The following GRXCR1 variants were observed in gnomAD, a reference collection of about 807,000 sequenced individuals.
The protein encoded by GRXCR1 is glutaredoxin and cysteine rich domain containing 1.
Under a neutral mutation model 27.3 loss-of-function variants are expected in GRXCR1, and 27 were observed. The observed-to-expected ratio is 0.99, with a 90% confidence interval of 0.73 to 1.37. GRXCR1 has a LOEUF of 1.37. Among genes scored for constraint, GRXCR1 ranks in the 40% most tolerant of loss-of-function variants. GRXCR1 has a pLI of 0.00. For synonymous variants in GRXCR1, 122 were observed against 131.1 expected, an observed-to-expected ratio of 0.93 and a Z score of 0.47; for missense variants, 379 against 354.4, an observed-to-expected ratio of 1.07 and a Z score of -0.56.
At chr4:42,957,775 T>C (rs1315923690) in intron 1 of GRXCR1, among the ~76,000 whole-genome samples, 1 of 151,774 alleles carries the variant, frequency 6.6e-6, no homozygotes, top group Non-Finnish European at 1.5e-5. Flanking sequence ...TGCTTGATTC[T>C]TTTATTAAAT....
intron 2 of GRXCR1, among the ~76,000 whole-genome samples, chr4:42,989,017 C>A (rs1300896132): frequency 2.0e-5 from 3 of 152,198 alleles, no homozygotes; most frequent in Non-Finnish European, 2.9e-5. Flanking sequence ...CACCCACAGG[C>A]TGTTCTCTGT....
chr4:43,023,678 ATTTCTTT>A (rs1285818754), intron 3 of GRXCR1, among the ~76,000 whole-genome samples: 3 of 152,176 alleles, frequency 2.0e-5, no homozygotes, highest in Non-Finnish European at 4.4e-5. Flanking sequence ...ACAGATGTTC[ATTTCTTT>A]TTATTATTTA....
chr4:43,000,096 C>T (rs1018946148), intron 2 of GRXCR1, among the ~76,000 whole-genome samples: 1 of 152,184 alleles, frequency 6.6e-6, no homozygotes, highest in South Asian at 2.1e-4. Context: ...TAAAATCTTG[C>T]ACTATCCTGC....
chr4:42,963,074 C>G lies in GRXCR1; in HGVS notation c.567C>G (p.Cys189Trp). The G allele has an allele frequency of 6.2e-7, 1 of 1,612,610 alleles. No homozygotes were observed. Among genetic ancestry groups the G allele is most frequent in the Non-Finnish European group, 8.5e-7 (1 of 1,178,882 alleles). The change falls in exon 2 of 4, where the codon TGC (cysteine) becomes TGG (tryptophan). Residue 189 changes from cysteine to tryptophan, a missense_variant. By Grantham distance (215) the Cys-to-Trp change is radical. Coordinates refer to ENST00000399770, the MANE Select transcript of GRXCR1 (RefSeq NM_001080476.3). ...GEYGKELDER[C>W]RRVSEAPSLP... ...ATGGAAAAGAGTTAGACGAACGATG[C>G]CGACGAGTTTCTGAAGCTCCTTCCC...
chr4:43,005,170 C>T (rs1712516432), intron 2 of GRXCR1, among the ~76,000 whole-genome samples: 1 of 152,096 alleles, frequency 6.6e-6, no homozygotes. Flanking sequence ...TTCCTGACAC[C>T]ATGTGAAGAA....
At chr4:42,979,209 T>A (rs9997711) in intron 2 of GRXCR1, among the ~76,000 whole-genome samples, 5,590 of 152,158 alleles carry the variant, frequency 0.037, 361 homozygotes, top group African/African-American at 0.13. Flanking sequence ...GGCTAGGATT[T>A]CCAGTACTAT....
At chr4:42,897,687 A>G (rs1348171895) in intron 1 of GRXCR1, among the ~76,000 whole-genome samples, 2 of 152,100 alleles carry the variant, frequency 1.3e-5, no homozygotes, top group Admixed American at 6.6e-5. Flanking sequence ...AACAAAGTAT[A>G]CCTCAAATTT....
At chr4:42,956,033 T>C (rs1747995691) in intron 1 of GRXCR1, among the ~76,000 whole-genome samples, 1 of 152,052 alleles carries the variant, frequency 6.6e-6, no homozygotes. Flanking sequence ...ACTAAAGTAC[T>C]CATTGTTGTG....
At chr4:42,955,462 A>AG (rs1747980383) in intron 1 of GRXCR1, among the ~76,000 whole-genome samples, 3 of 152,122 alleles carry the variant, frequency 2.0e-5, no homozygotes, top group Non-Finnish European at 1.5e-5. Flanking sequence ...CGTGTGGTTC[A>AG]GTGTTTCGTC....
chr4:43,013,679 T>C (rs1450665729), intron 2 of GRXCR1, among the ~76,000 whole-genome samples: 1 of 150,044 alleles, frequency 6.7e-6, no homozygotes, highest in Non-Finnish European at 1.5e-5. Context: ...AAAATCAGTT[T>C]ATGCAAAGAG....
chr4:42,896,708 C>T (rs1218224187), intron 1 of GRXCR1, among the ~76,000 whole-genome samples: 1 of 151,950 alleles, frequency 6.6e-6, no homozygotes, highest in Non-Finnish European at 1.5e-5. Context: ...AATCATTGAC[C>T]TAGAGTATCA....
chr4:42,958,297 AAC>A (rs1468633483), intron 1 of GRXCR1, among the ~76,000 whole-genome samples: 1 of 152,044 alleles, frequency 6.6e-6, no homozygotes, highest in Non-Finnish European at 1.5e-5. Context: ...ACACAAGGTA[AAC>A]TAATTTTGAA....
intron 3 of GRXCR1, among the ~76,000 whole-genome samples, chr4:43,029,087 A>G (rs1483276286): frequency 6.6e-6 from 1 of 152,200 alleles, no homozygotes; most frequent in South Asian, 2.1e-4. Flanking sequence ...GTAAGTATCA[A>G]TTAGATCCTA....
At chr4:42,939,512 G>C (rs887402540) in intron 1 of GRXCR1, among the ~76,000 whole-genome samples, 1 of 151,894 alleles carries the variant, frequency 6.6e-6, no homozygotes, top group Non-Finnish European at 1.5e-5. Context: ...TTATCTGATT[G>C]CTTTAGCTAG....
chr4:43,005,645 G>A (rs1041524996), intron 2 of GRXCR1, among the ~76,000 whole-genome samples: 3 of 152,122 alleles, frequency 2.0e-5, no homozygotes, highest in African/African-American at 7.2e-5. Flanking sequence ...TTGCCTTGCT[G>A]TACTGAGTTA....
intron 1 of GRXCR1, among the ~76,000 whole-genome samples, chr4:42,953,765 AATGGTGATAGTGCTGAT>A (rs1294893120): frequency 2.0e-5 from 3 of 152,112 alleles, no homozygotes; most frequent in Non-Finnish European, 4.4e-5. Context: ...TCATAGCAAT[AATGGTGATAGTGCTGAT>A]ATGTGTCAAT....
rs1029925260 is a variant in GRXCR1, at chr4:42,899,792, A to AT, written c.384+6148dup. ...ATTAATATCTAAGTTGGAAAATCACATTTTTTCCTGGTTCATCAGAATCTT... is the reference window on the plus strand; with the variant it reads ...ATTAATATCTAAGTTGGAAAATCACATTTTTTTCCTGGTTCATCAGAATCTT... On this transcript the variant is annotated intron_variant, in intron 1 of 3. Coordinates refer to ENST00000399770, the MANE Select transcript of GRXCR1 (RefSeq NM_001080476.3). 6.9e-4 allele frequency among the ~76,000 whole-genome samples: 105 copies of AT among 152,216 alleles called. 1 individual carries two copies. Among genetic ancestry groups the AT allele is most frequent in the African/African-American group, 2.5e-3 (102 of 41,540 alleles).
chr4:42,893,198 G>A lies in GRXCR1; in HGVS notation c.-69G>A, dbSNP rs922475485. The A allele has an allele frequency of 3.8e-6, 6 of 1,570,056 alleles. No individual in the cohort carries two copies. In the Admixed American group the frequency reaches 8.3e-5, roughly 22 times the overall value. ...AGAATTGGCTCTGATATTGCTATCTGGCAAGTGGACTAGTGCAGTAACAAC... is the reference window on the plus strand; with the variant it reads ...AGAATTGGCTCTGATATTGCTATCTAGCAAGTGGACTAGTGCAGTAACAAC... On this transcript the variant is annotated 5_prime_UTR_variant, in exon 1 of 4. Coordinates refer to ENST00000399770, the MANE Select transcript of GRXCR1 (RefSeq NM_001080476.3).
At chr4:43,023,464 G>A (rs1225835461) in intron 3 of GRXCR1, among the ~76,000 whole-genome samples, 3 of 152,202 alleles carry the variant, frequency 2.0e-5, no homozygotes, top group Non-Finnish European at 2.9e-5. Flanking sequence ...TGCTGGGGAA[G>A]CTGAGTCGAT....
Sources: allele counts gnomAD v4.1 joint callset (sites outside exome capture counted in the v4.1 genomes callset), GRCh38; gene constraint gnomAD v4.1.1; transcripts MANE v1.5; gene names NCBI Gene and HGNC (gene_info 2026-07-23, HGNC 2026-07-21).